The following ADGRG2 variants were observed in gnomAD, a reference collection of about 807,000 sequenced individuals.
ADGRG2 encodes G protein-coupled receptor 64.
In ADGRG2, 26 loss-of-function variants were observed where a neutral mutation model predicts 74.1. That is an observed-to-expected ratio of 0.35 (90% CI 0.26 to 0.49). The LOEUF (loss-of-function observed/expected upper bound fraction) is 0.49. Among genes scored for constraint, ADGRG2 ranks in the 20% least tolerant of loss-of-function variants. The pLI, the probability that ADGRG2 is intolerant of heterozygous loss-of-function variation, is 0.99. For missense variants in ADGRG2, 619 were observed against 763.1 expected (o/e 0.81, Z 2.22); for synonymous variants, 296 against 295.2 (o/e 1.00, Z -0.03).
At chrX:19,092,130 C>T (rs969889132) in intron 1 of ADGRG2, among the ~76,000 whole-genome samples, 1 of 111,980 alleles carries the variant, frequency 8.9e-6, no homozygotes, top group Non-Finnish European at 1.9e-5. Context: ...CCACAGCCAC[C>T]GGCCCTCTGC....
At chrX:19,048,111 G>A (rs1298348633) in intron 3 of ADGRG2, among the ~76,000 whole-genome samples, 1 of 110,597 alleles carries the variant, frequency 9.0e-6, no homozygotes, top group Non-Finnish European at 1.9e-5. Context: ...GCACAGTATC[G>A]CCCACCCATC....
chrX:19,056,115 C>T (rs1340029878), intron 3 of ADGRG2, among the ~76,000 whole-genome samples: 1 of 111,059 alleles, frequency 9.0e-6, no homozygotes, highest in Non-Finnish European at 1.9e-5. Flanking sequence ...CTCAGTTACA[C>T]GGCCACTTCT....
intron 1 of ADGRG2, among the ~76,000 whole-genome samples, chrX:19,121,230 G>C (rs769634069): frequency 1.8e-5 from 2 of 111,604 alleles, no homozygotes; most frequent in African/African-American, 6.5e-5. Context: ...GCCATGCGTT[G>C]AGACCCCTTT....
At chrX:19,085,501 T>TA (rs897802003) in intron 1 of ADGRG2, among the ~76,000 whole-genome samples, 13 of 110,521 alleles carry the variant, frequency 1.2e-4, no homozygotes, top group Admixed American at 4.8e-4. Flanking sequence ...GCTAATTTGT[T>TA]AGTTTTTTGT....
At chrX:19,039,284 T>C (rs1337123578) in intron 4 of ADGRG2, 1 of 329,760 alleles carries the variant, frequency 3.0e-6, no homozygotes, top group Non-Finnish European at 5.9e-6. Context: ...TCCTCATCTA[T>C]AACACGAATA....
At chrX:19,068,013 C>T (rs5909108) in intron 3 of ADGRG2, among the ~76,000 whole-genome samples, 35,859 of 111,198 alleles carry the variant, frequency 0.32, 4,629 homozygotes, top group African/African-American at 0.49. Flanking sequence ...AATTCTTGTG[C>T]CTTGCTTGTA....
At chrX:19,002,220 C>T (rs2060144349) in intron 24 of ADGRG2, among the ~76,000 whole-genome samples, 1 of 110,358 alleles carries the variant, frequency 9.1e-6, no homozygotes, top group Non-Finnish European at 1.9e-5. Context: ...AAGGATAAGT[C>T]AGGTGGAGTT....
rs1240422221 is a variant in ADGRG2, at chrX:19,009,610, A to G, written c.1422+16T>C. ...ACACAAGAGAATGTTTTTTTCTGCC[A>G]TCAATTATGATGTACCTGAAGATTT... is the stretch of plus-strand genomic sequence containing the variant. On this transcript the variant is annotated intron_variant, in intron 18 of 28. Transcript: ENST00000379869. 5.9e-6 allele frequency: 7 copies of G among 1,192,994 alleles called. No individual in the cohort carries two copies. Among genetic ancestry groups the G allele is most frequent in the Middle Eastern group, 4.7e-4 (2 of 4,281 alleles).
In ADGRG2 at chrX:18,999,137, G is replaced by C; in HGVS notation, c.2473C>G (p.Arg825Gly). ...IKKKKQLGAQ[R>G]KTSIQDLRSI... ...CTGAGGTCTTGAATACTGGTTTTTC[G>C]CTGGGCTCCCAGTTGCTTCTTCTTT... Residue 825 changes from arginine to glycine, a missense_variant, in exon 26 of 29, where the codon CGA (arginine) becomes GGA (glycine). Physicochemically the swap from Arg to Gly is moderately radical, Grantham distance 125. This residue lies in a region of ADGRG2 where 221 missense variants were observed against 340.6 expected (regional missense o/e 0.65). Transcript: ENST00000379869. The C allele has an allele frequency of 8.3e-7, 1 of 1,210,820 alleles. No homozygotes were observed. The highest frequency in any genetic ancestry group is 1.1e-6 in the Non-Finnish European group (1 of 894,807).
At position 19,042,103 on chromosome X, in the gene ADGRG2, T is replaced by G. The variant is rs191451084; in HGVS notation, c.119-1879A>C. Among the ~76,000 whole-genome samples, 313 of 111,853 alleles carry G rather than the reference T, an allele frequency of 2.8e-3. 1 individual carries two copies. The highest frequency in any genetic ancestry group is 9.6e-3 in the African/African-American group (297 of 30,785). ...CTGGGATTACAGGTGTGAGCCACCA[T>G]GCCCAGCCTGAAAGGGTTAATTGAA... is the stretch of plus-strand genomic sequence containing the variant. On this transcript the variant is annotated intron_variant, in intron 3 of 28. Transcript: ENST00000379869.
intron 27 of ADGRG2, 106 bp from the exon 28 acceptor site, chrX:18,995,154 A>C (rs2059994809): frequency 1.9e-6 from 1 of 528,289 alleles, no homozygotes; most frequent in African/African-American, 2.4e-5. Context: ...TTCTCACTTC[A>C]GGATCTTATG....
At position 19,010,661 on chromosome X, in the gene ADGRG2, C is replaced by T; in HGVS notation, c.1217G>A (p.Ser406Asn). 5.8e-6 allele frequency: 7 copies of T among 1,209,983 alleles called. No homozygotes were observed. Among genetic ancestry groups the T allele is most frequent in the Non-Finnish European group, 7.8e-6 (7 of 894,329 alleles). The change falls in exon 17 of 29, where the codon AGC (serine) becomes AAC (asparagine). Residue 406 changes from serine (S) to asparagine (N), a missense_variant. Around this residue, in one of 3 missense-constraint regions of ADGRG2, gnomAD observed 292 missense variants for 318.0 expected, o/e 0.92. Transcript: ENST00000379869. ...NLAGEMINQV[S>N]RLLHSPPDML... Reference sequence around the variant, plus strand: ...GTCAGGCGGGGAATGAAGGAGTCTGCTGACTTGGTTGATCATTTCTCCTGC... The same window carrying T: ...GTCAGGCGGGGAATGAAGGAGTCTGTTGACTTGGTTGATCATTTCTCCTGC...
chrX:19,042,434 C>T (rs1372880974), intron 3 of ADGRG2, among the ~76,000 whole-genome samples: 5 of 111,266 alleles, frequency 4.5e-5, no homozygotes, highest in African/African-American at 6.5e-5. Flanking sequence ...CAGAGGCTAA[C>T]ATTGCTTCAC....
At chrX:19,064,069 T>TAA (rs1333489884) in intron 3 of ADGRG2, among the ~76,000 whole-genome samples, 2 of 111,573 alleles carry the variant, frequency 1.8e-5, no homozygotes. Flanking sequence ...TTACTCACTG[T>TAA]TTGGGGGTGT....
intron 1 of ADGRG2, among the ~76,000 whole-genome samples, chrX:19,095,788 A>G (rs926264740): frequency 1.8e-5 from 2 of 111,173 alleles, no homozygotes; most frequent in Non-Finnish European, 3.8e-5. Flanking sequence ...CCAAGGTGGG[A>G]GGATCACTCG....
rs2061458443 is a variant in ADGRG2 at position 19,059,718 on chromosome X, A to G, written c.118+8999T>C. Among the ~76,000 whole-genome samples the G allele has an allele frequency of 1.9e-5, 2 of 103,148 alleles. 1 individual carries two copies. 89.6% of individuals were successfully genotyped at this position (103,148 alleles called of 115,157 possible). ...AGTACCAGTACTATGTAGTAGTGCT[A>G]AAGAATCTGTCTTTAGTACCAGTAC... On this transcript the variant is annotated intron_variant, in intron 3 of 28. Transcript: ENST00000379869.
chrX:18,998,494 G>C (rs983712691), intron 26 of ADGRG2, among the ~76,000 whole-genome samples: 14 of 109,427 alleles, frequency 1.3e-4, no homozygotes, highest in Admixed American at 1.3e-3. Context: ...GGATCTCAAA[G>C]CACTCCCTCT....
chrX:19,009,424 T>A (rs761106165), intron 18 of ADGRG2, among the ~76,000 whole-genome samples: 67 of 111,277 alleles, frequency 6.0e-4, no homozygotes, highest in African/African-American at 2.1e-3. Flanking sequence ...GTGATCCACT[T>A]GCCTTGGCCT....
chrX:18,997,803 A>C lies in ADGRG2; in HGVS notation c.2614+1193T>G, dbSNP rs150798480. On this transcript the variant is annotated intron_variant, in intron 26 of 28. Coordinates refer to ENST00000379869, the MANE Select transcript of ADGRG2 (RefSeq NM_001079858.3). Reference sequence around the variant, plus strand: ...CCTGATAGAACTAGAGAAGGACAATATGGGAGCAAAAGCAACAGGAAAGAT... The same window carrying C: ...CCTGATAGAACTAGAGAAGGACAATCTGGGAGCAAAAGCAACAGGAAAGAT... 5.8e-3 allele frequency among the ~76,000 whole-genome samples: 647 copies of C among 112,282 alleles called. 4 individuals are homozygous for C. Among genetic ancestry groups the C allele is most frequent in the African/African-American group, 0.02 (615 of 30,864 alleles).
Sources: gnomAD v4.1 joint callset for allele counts (sites outside exome capture counted in the v4.1 genomes callset) on GRCh38, gnomAD v4.1.1 for gene constraint, gnomAD v4.1.1 regional missense constraint, MANE v1.5 for transcripts, NCBI Gene and HGNC (gene_info 2026-07-23, HGNC 2026-07-21) for gene names.